The following SPTLC3 variants were observed in gnomAD, a reference collection of about 807,000 sequenced individuals.
The protein encoded by SPTLC3 is serine palmitoyltransferase long chain base subunit 3, also known as serine palmitoyltransferase 3.
Under a neutral mutation model 59.3 loss-of-function variants are expected in SPTLC3, and 36 were observed. That is an observed-to-expected ratio of 0.61 (90% CI 0.47 to 0.80). The LOEUF (loss-of-function observed/expected upper bound fraction) is 0.80, where lower values mean the gene tolerates loss of function less well. Among genes scored for constraint, SPTLC3 ranks in the 30% least tolerant of loss-of-function variants. The probability of loss-of-function intolerance (pLI) is 0.00; values close to 1 mark genes in which losing one functional copy is unlikely to be tolerated. For synonymous variants in SPTLC3, 257 were observed against 240.8 expected (o/e 1.07, Z -0.62); for missense variants, 625 against 685.1 (o/e 0.91, Z 0.98).
intron 9 of SPTLC3, among the ~76,000 whole-genome samples, chr20:13,131,959 G>A (rs1376270920): frequency 6.6e-6 from 1 of 151,880 alleles, no homozygotes; most frequent in East Asian, 1.9e-4. Context: ...ACAGGCAGCT[G>A]GCATCCTTGC....
chr20:13,093,487 T>G lies in SPTLC3; in HGVS notation c.736T>G (p.Cys246Gly). 1 of 1,613,310 alleles carries G rather than the reference T, an allele frequency of 6.2e-7. No individual in the cohort carries two copies. The highest frequency in any genetic ancestry group is 8.5e-7 in the Non-Finnish European group (1 of 1,179,368). The change falls in exon 6 of 12, where the codon TGC becomes GGC. Residue 246 changes from cysteine (C) to glycine (G), a missense_variant. By Grantham distance (159) the Cys-to-Gly change is radical. Coordinates refer to ENST00000399002, the MANE Select transcript of SPTLC3 (RefSeq NM_018327.4). Reference protein sequence around the residue: ...MNIPALVGKGCLILSDELNHT... With the variant: ...MNIPALVGKGGLILSDELNHT... The stretch of plus-strand genomic sequence containing the variant: ...TGTGTGCTTGTTTTCTGCACAGGGA[T>G]GCCTCATTTTAAGTGATGAGTTAAA...
intron 7 of SPTLC3, among the ~76,000 whole-genome samples, chr20:13,112,677 A>C (rs1990301222): frequency 1.3e-5 from 2 of 152,148 alleles, no homozygotes; most frequent in Admixed American, 1.3e-4. Flanking sequence ...CATTTCACCC[A>C]CACAGGAATG....
At chr20:13,155,205 A>G (rs1027253224) in intron 10 of SPTLC3, among the ~76,000 whole-genome samples, 1 of 152,134 alleles carries the variant, frequency 6.6e-6, no homozygotes. Flanking sequence ...AAGGAAGTTA[A>G]CTAAGCTCCT....
chr20:13,060,489 GTT>G (rs1039252274), intron 2 of SPTLC3, among the ~76,000 whole-genome samples: 3 of 151,806 alleles, frequency 2.0e-5, no homozygotes, highest in Admixed American at 1.3e-4. Context: ...TAAGAATGCA[GTT>G]TTGTTACATA....
chr20:13,145,091 GA>G (rs962448797), intron 9 of SPTLC3, among the ~76,000 whole-genome samples: 2 of 151,034 alleles, frequency 1.3e-5, no homozygotes, highest in Non-Finnish European at 1.5e-5. Flanking sequence ...GTGTATTCTT[GA>G]AAAAAAAATT....
chr20:13,068,008 G>A (rs1988290565), intron 2 of SPTLC3, among the ~76,000 whole-genome samples: 1 of 152,102 alleles, frequency 6.6e-6, no homozygotes. Context: ...CCTTGTAGCA[G>A]GGTTTTTTGG....
In SPTLC3 at chr20:13,013,247, G is replaced by A. The variant is rs1319601591; in HGVS notation, c.117+3863G>A. On this transcript the variant is annotated intron_variant, in intron 1 of 11. Transcript: ENST00000399002. The stretch of plus-strand genomic sequence containing the variant: ...CCCCACCTTTCTATATCCTCTTGAA[G>A]TCTGCAATATCCTGGTAGAGCTACT... 3.3e-5 allele frequency among the ~76,000 whole-genome samples: 5 copies of A among 152,292 alleles called. No homozygotes were observed. In the South Asian group the frequency reaches 1.0e-3, roughly 32 times the overall value.
chr20:13,064,443 G>A (rs1360350803), intron 2 of SPTLC3, among the ~76,000 whole-genome samples: 2 of 151,968 alleles, frequency 1.3e-5, no homozygotes, highest in Non-Finnish European at 2.9e-5. Context: ...ACAGGCATGC[G>A]CGCCACCGCG....
At chr20:13,153,636 A>G (rs1479112811) in intron 9 of SPTLC3, among the ~76,000 whole-genome samples, 1 of 152,134 alleles carries the variant, frequency 6.6e-6, no homozygotes, top group African/African-American at 2.4e-5. Flanking sequence ...GGGTGGGGGA[A>G]GTGGTTATGT....
At chr20:13,094,250 C>T (rs961079376) in intron 6 of SPTLC3, among the ~76,000 whole-genome samples, 7 of 152,166 alleles carry the variant, frequency 4.6e-5, no homozygotes, top group Non-Finnish European at 8.8e-5. Context: ...ATCCTTTCAT[C>T]TTTCTTGCAT....
chr20:13,101,842 G>T (rs564756172), intron 6 of SPTLC3, among the ~76,000 whole-genome samples: 246 of 152,256 alleles, frequency 1.6e-3, no homozygotes, highest in African/African-American at 5.6e-3. Context: ...TGCTACTGCT[G>T]CTGCTGCTGT....
intron 8 of SPTLC3, among the ~76,000 whole-genome samples, chr20:13,122,161 AT>A (rs1293730860): frequency 1.3e-5 from 2 of 152,168 alleles, no homozygotes; most frequent in African/African-American, 2.4e-5. Flanking sequence ...GACGGTCAAT[AT>A]TTAGCAGGCC....
intron 1 of SPTLC3, among the ~76,000 whole-genome samples, chr20:13,044,276 T>C (rs1392553227): frequency 1.3e-5 from 2 of 151,756 alleles, no homozygotes; most frequent in Non-Finnish European, 2.9e-5. Flanking sequence ...AATTTTTGTA[T>C]TTTTTAGTAG....
At chr20:13,149,643 T>C (rs1442606392) in intron 9 of SPTLC3, among the ~76,000 whole-genome samples, 2 of 152,216 alleles carry the variant, frequency 1.3e-5, no homozygotes, top group Non-Finnish European at 2.9e-5. Flanking sequence ...AGCCATGCTG[T>C]GCTAAATGGT....
intron 8 of SPTLC3, 48 bp from the exon 9 acceptor site, chr20:13,126,543 T>A (rs1383929862): frequency 6.2e-7 from 1 of 1,605,152 alleles, no homozygotes; most frequent in African/African-American, 1.3e-5. Context: ...CCACCACCAG[T>A]GTTGAGATTT....
At chr20:13,093,430 T>C in intron 5 of SPTLC3, 54 bp from the exon 6 acceptor site, 2 of 1,550,248 alleles carry the variant, frequency 1.3e-6, no homozygotes, top group Non-Finnish European at 1.8e-6. Context: ...CACAAGTTGT[T>C]TTTCCTTGGT....
intron 9 of SPTLC3, among the ~76,000 whole-genome samples, chr20:13,153,799 C>A (rs1487136315): frequency 6.6e-6 from 1 of 152,160 alleles, no homozygotes; most frequent in East Asian, 1.9e-4. Context: ...CCTCCACCTC[C>A]CTTCCTGCCT....
At chr20:13,147,604 C>T (rs1033584084) in intron 9 of SPTLC3, among the ~76,000 whole-genome samples, 4 of 152,144 alleles carry the variant, frequency 2.6e-5, no homozygotes, top group African/African-American at 9.7e-5. Context: ...CATTCTTAGA[C>T]CACTGCAGGC....
rs147034950 is a variant in SPTLC3 at position 13,063,396 on chromosome 20, C to T, written c.304-8860C>T. Among the ~76,000 whole-genome samples the T allele has an allele frequency of 6.6e-5, 10 of 152,038 alleles. No individual in the cohort carries two copies. The East Asian group carries it at 1.2e-3, about 18-fold the overall frequency. On this transcript the variant is annotated intron_variant, in intron 2 of 11. Coordinates refer to ENST00000399002, the MANE Select transcript of SPTLC3 (RefSeq NM_018327.4). ...TAACTTTATTTGCATTATATTTAGC[C>T]GCACATAAATGTGGAAACATTTATG... is the stretch of plus-strand genomic sequence containing the variant.
Sources: allele counts gnomAD v4.1 joint callset (sites outside exome capture counted in the v4.1 genomes callset), GRCh38; gene constraint gnomAD v4.1.1; transcripts MANE v1.5; gene names NCBI Gene and HGNC (gene_info 2026-07-23, HGNC 2026-07-21).